XKR9: variants seen among roughly 807,000 people sequenced by gnomAD.
The protein encoded by XKR9 is XK-related protein 9.
A neutral mutation model predicts 32.0 loss-of-function variants in XKR9; 32 were observed. That is an observed-to-expected ratio of 1.00 (90% CI 0.76 to 1.34). The LOEUF (loss-of-function observed/expected upper bound fraction) is 1.34. Ranked by LOEUF, XKR9 falls within the 40% of genes most tolerant of loss-of-function variation. XKR9 has a pLI of 0.00. For missense variants in XKR9, 546 were observed against 429.7 expected, an observed-to-expected ratio of 1.27 and a Z score of -2.39; for synonymous variants, 168 against 143.4, an observed-to-expected ratio of 1.17 and a Z score of -1.22.
intron 4 of XKR9, among the ~76,000 whole-genome samples, chr8:70,714,177 T>C (rs1034557387): frequency 6.6e-6 from 1 of 152,136 alleles, no homozygotes; most frequent in Non-Finnish European, 1.5e-5. Flanking sequence ...GCCTCACCAT[T>C]ATAAACTTAT....
intron 3 of XKR9, among the ~76,000 whole-genome samples, chr8:70,681,628 A>T (rs1819086818): frequency 6.6e-6 from 1 of 152,134 alleles, no homozygotes; most frequent in Non-Finnish European, 1.5e-5. Flanking sequence ...TTCTGTGTAT[A>T]TTCTAAGTCT....
At chr8:70,714,944 A>C (rs1338245772) in intron 4 of XKR9, among the ~76,000 whole-genome samples, 1 of 152,164 alleles carries the variant, frequency 6.6e-6, no homozygotes, top group Admixed American at 6.5e-5. Context: ...AATGGCACAA[A>C]ATTTAGTTTG....
At chr8:70,946,998 G>GGGCCA in the XKR9 span, among the ~76,000 whole-genome samples, 1 of 152,122 alleles carries the variant, frequency 6.6e-6, no homozygotes, top group Non-Finnish European at 1.5e-5. Context: ...CTGCCACCAG[G>GGGCCA]GGCCAGTGTG....
chr8:71,061,873 G>T, the XKR9 span, among the ~76,000 whole-genome samples: 1 of 152,210 alleles, frequency 6.6e-6, no homozygotes, highest in Non-Finnish European at 1.5e-5. Context: ...AGGGTGCTAT[G>T]CATAAAAATG....
chr8:70,809,953 C>A, the XKR9 span, among the ~76,000 whole-genome samples: 1 of 152,114 alleles, frequency 6.6e-6, no homozygotes, highest in Non-Finnish European at 1.5e-5. Flanking sequence ...CACAAAGATA[C>A]TCCTCGAGAA....
chr8:70,866,547 T>A, the XKR9 span, among the ~76,000 whole-genome samples: 1 of 152,208 alleles, frequency 6.6e-6, no homozygotes, highest in Non-Finnish European at 1.5e-5. Context: ...TTAGAAAGAT[T>A]AGTTCAGAGA....
chr8:70,798,534 C>T, the XKR9 span, among the ~76,000 whole-genome samples: 12 of 152,142 alleles, frequency 7.9e-5, no homozygotes, highest in Admixed American at 2.0e-4. Flanking sequence ...TTCTTTTGCT[C>T]TGCAGAAGCT....
At chr8:71,061,501 C>T in the XKR9 span, among the ~76,000 whole-genome samples, 1 of 152,182 alleles carries the variant, frequency 6.6e-6, no homozygotes, top group South Asian at 2.1e-4. Flanking sequence ...AAATATATCT[C>T]CCTTTAGTTT....
the XKR9 span, among the ~76,000 whole-genome samples, chr8:70,807,097 T>C: frequency 1.5e-4 from 23 of 152,136 alleles, no homozygotes; most frequent in East Asian, 4.3e-3. Flanking sequence ...GCAGAAGAGA[T>C]TGGGGGCCAA....
At chr8:70,747,821 A>G (rs1807079442) in intron 2 of XKR9, among the ~76,000 whole-genome samples, 2 of 152,148 alleles carry the variant, frequency 1.3e-5, no homozygotes, top group African/African-American at 2.4e-5. Context: ...TAGACTTGAC[A>G]TTATTTTTTG....
chr8:70,758,986 G>A (rs901852737), intron 2 of XKR9, among the ~76,000 whole-genome samples: 9 of 152,230 alleles, frequency 5.9e-5, no homozygotes, highest in East Asian at 3.9e-4. Flanking sequence ...TTGTTCTGAC[G>A]GGGAGGGATC....
At chr8:70,891,177 TG>T in the XKR9 span, among the ~76,000 whole-genome samples, 2 of 151,888 alleles carry the variant, frequency 1.3e-5, no homozygotes, top group Admixed American at 1.3e-4. Context: ...TCAGGCCTTT[TG>T]TCTTTTTTTT....
the XKR9 span, among the ~76,000 whole-genome samples, chr8:71,008,951 G>A: frequency 6.6e-6 from 1 of 152,190 alleles, no homozygotes; most frequent in South Asian, 2.1e-4. Flanking sequence ...TTACATGTGT[G>A]TGCCACTGCA....
chr8:70,849,985 C>CA, the XKR9 span, among the ~76,000 whole-genome samples: 1,262 of 144,480 alleles, frequency 8.7e-3, 7 homozygotes, highest in Middle Eastern at 0.025. Flanking sequence ...AATAGCCTGC[C>CA]AAAAAAAAAA....
Position 70,745,505 on chromosome 8 carries a change from G to C in XKR9, n.352+38352G>C, listed in dbSNP as rs182573241. On this transcript the variant is annotated intron_variant and non_coding_transcript_variant, in intron 2 of 3. Coordinates refer to the XKR9 transcript ENST00000520273. ...CTTTAGTGTGCATCAGAATCTCCTGGAGTGCTTATTGAAACACATTGCTGG... is the reference window on the plus strand; with the variant it reads ...CTTTAGTGTGCATCAGAATCTCCTGCAGTGCTTATTGAAACACATTGCTGG... 7.4e-4 allele frequency among the ~76,000 whole-genome samples: 113 copies of C among 152,148 alleles called. 2 individuals are homozygous for C. The highest frequency in any genetic ancestry group is 5.3e-4 in the Non-Finnish European group (36 of 67,988).
chr8:70,779,220 T>A (rs1807579011), intron 2 of XKR9, among the ~76,000 whole-genome samples: 1 of 152,112 alleles, frequency 6.6e-6, no homozygotes, highest in Non-Finnish European at 1.5e-5. Context: ...ATCACGTGGT[T>A]TTTTGTCGTT....
At chr8:70,838,256 C>A in the XKR9 span, among the ~76,000 whole-genome samples, 2 of 152,070 alleles carry the variant, frequency 1.3e-5, no homozygotes, top group African/African-American at 4.8e-5. Flanking sequence ...TTTTTACTTA[C>A]AACTCTCCTG....
intron 2 of XKR9, among the ~76,000 whole-genome samples, chr8:70,787,941 A>G (rs1807710138): frequency 6.6e-6 from 1 of 152,132 alleles, no homozygotes; most frequent in South Asian, 2.1e-4. Flanking sequence ...TAAGAGGAAT[A>G]GGTCCATGAC....
the XKR9 span, among the ~76,000 whole-genome samples, chr8:70,984,284 G>A: frequency 6.6e-6 from 1 of 152,154 alleles, no homozygotes; most frequent in South Asian, 2.1e-4. Flanking sequence ...GTCAAGGGGG[G>A]CCCAGGGGAA....
Sources: allele counts gnomAD v4.1 joint callset (sites outside exome capture counted in the v4.1 genomes callset), GRCh38; gene constraint gnomAD v4.1.1; transcripts MANE v1.5; gene names NCBI Gene and HGNC (gene_info 2026-07-23, HGNC 2026-07-21).